Variants in PCNX3 observed in about 807,000 individuals in gnomAD.
PCNX3 encodes pecanex 3, also known as pecanex-like protein 3.
In PCNX3, 58 loss-of-function variants were observed where a neutral mutation model predicts 207.2. That is an observed-to-expected ratio of 0.28 (90% confidence interval 0.23 to 0.35). PCNX3 has a LOEUF of 0.35. Ranked by LOEUF, PCNX3 falls within the 10% of genes least tolerant of loss-of-function variation. The pLI is 1.00. For missense variants in PCNX3, 2,410 were observed against 2,774.4 expected, an observed-to-expected ratio of 0.87 and a Z score of 2.95; for synonymous variants, 1,337 against 1,183.5, an observed-to-expected ratio of 1.13 and a Z score of -2.66.
Position 65,620,874 on chromosome 11 carries a change from C to A in PCNX3, c.2143C>A (p.Pro715Thr). ...CTCCAGCTTCCACTCGGCTGATGTC[C>A]CTGAGGCTACAGGCGGCCTGAACCT... ...HSSSFHSADV[P>T]EATGGLNLLQ... Residue 715 changes from proline (P) to threonine (T), a missense_variant, in exon 10 of 35, where the codon CCT (proline) becomes ACT (threonine). Physicochemically the swap from Pro to Thr is conservative, Grantham distance 38. Around this residue, in one of 8 missense-constraint regions of PCNX3, gnomAD observed 1,104 missense variants for 970.3 expected, o/e 1.14. Coordinates refer to ENST00000355703, the MANE Select transcript of PCNX3 (RefSeq NM_032223.4). 1 of 1,584,564 alleles carries A rather than the reference C, an allele frequency of 6.3e-7. No individual in the cohort carries two copies. Among genetic ancestry groups the A allele is most frequent in the East Asian group, 2.3e-5 (1 of 42,906 alleles).
At chr11:65,619,711 C>A in intron 7 of PCNX3, 43 bp from the exon 8 acceptor site, 1 of 1,564,760 alleles carries the variant, frequency 6.4e-7, no homozygotes, top group Non-Finnish European at 8.6e-7. Context: ...GGGGAGGGCC[C>A]GCAAGCTCTA....
At chr11:65,626,102 C>T (rs1432502379) in intron 20 of PCNX3, 48 bp downstream of exon 20, 6 of 1,552,036 alleles carry the variant, frequency 3.9e-6, no homozygotes, top group Non-Finnish European at 5.2e-6. Flanking sequence ...GCTCGGGCTG[C>T]AGCCTGGCTG....
At chr11:65,626,389 G>C in intron 20 of PCNX3, 1 of 509,404 alleles carries the variant, frequency 2.0e-6, no homozygotes. Context: ...GACCAGAGCT[G>C]CCTGGAGCAC....
chr11:65,637,372 C>A lies in PCNX3; in HGVS notation c.*394C>A. ...GTGGTTTCTTTCTTTCCTTTTTTTTCTTTTCTTTTTTTTTTTTTTTTTTGT... is the reference window on the plus strand; with the variant it reads ...GTGGTTTCTTTCTTTCCTTTTTTTTATTTTCTTTTTTTTTTTTTTTTTTGT... On this transcript the variant is annotated 3_prime_UTR_variant, in exon 35 of 35. Coordinates refer to ENST00000355703, the MANE Select transcript of PCNX3 (RefSeq NM_032223.4). 1.9e-5 allele frequency: 3 copies of A among 157,086 alleles called. No homozygotes were observed. The highest frequency in any genetic ancestry group is 1.8e-4 in the East Asian group (1 of 5,558). 9.7% of individuals were successfully genotyped at this position (157,086 alleles called of 1,614,324 possible). A position where few individuals can be genotyped will look rare whatever the true frequency, so the allele number is the denominator to read the frequency against.
intron 2 of PCNX3, 50 bp downstream of exon 2, chr11:65,617,061 G>A: frequency 6.5e-7 from 1 of 1,534,286 alleles, no homozygotes; most frequent in Non-Finnish European, 8.8e-7. Flanking sequence ...TGGTGCCTGG[G>A]CCGGAACCTT....
chr11:65,616,963 T>C lies in PCNX3; in HGVS notation c.293T>C (p.Met98Thr), dbSNP rs1406538402. Residue 98 changes from methionine (M) to threonine (T), a missense_variant, in exon 2 of 35, where the codon ATG becomes ACG. Physicochemically the swap from Met to Thr is moderately conservative, Grantham distance 81 (BLOSUM62 -1). Around this residue, in one of 8 missense-constraint regions of PCNX3, gnomAD observed 1,104 missense variants for 970.3 expected, o/e 1.14. Transcript: ENST00000355703. ...ATCGTGGAGAAGCGCAGCTCTACCA[T>C]GGGGGAGCTGGAGGAAGAGCCTGCC... ...GEIVEKRSSTMGELEEEPAQG... is the reference protein window; with the variant it reads ...GEIVEKRSSTTGELEEEPAQG... The C allele has an allele frequency of 2.5e-6, 4 of 1,613,032 alleles. No homozygotes were observed. The Admixed American group carries it at 6.7e-5, about 27-fold the overall frequency.
At position 65,628,485 on chromosome 11, in the gene PCNX3, C is replaced by T. The variant is rs936475070; in HGVS notation, c.3703-110C>T. 72 of 1,049,322 alleles carry T rather than the reference C, an allele frequency of 6.9e-5. No homozygotes were observed. The South Asian group carries it at 8.3e-4, about 12-fold the overall frequency. The allele number at this position is 1,049,322 out of a possible 1,614,324, so 65.0% of individuals were successfully genotyped here. Reference sequence around the variant, plus strand: ...TGGCAGTGACCTTGAGTTTGGCCCCCGTGGGCCAAGCCAGTGCGATGACCC... The same window carrying T: ...TGGCAGTGACCTTGAGTTTGGCCCCTGTGGGCCAAGCCAGTGCGATGACCC... On this transcript the variant is annotated intron_variant, in intron 22 of 34. Transcript: ENST00000355703.
chr11:65,636,050 G>A, intron 32 of PCNX3, 124 bp from the exon 33 acceptor site: 1 of 1,426,692 alleles, frequency 7.0e-7, no homozygotes, highest in Non-Finnish European at 9.6e-7. Flanking sequence ...CAGCTTCTTA[G>A]AGGGGAGGAT....
In PCNX3 at chr11:65,618,735, C is replaced by T. The variant is rs1193851; in HGVS notation, c.1373C>T (p.Ser458Phe). ...ACTTCCTGCTACTCCCCTGAGAGCTCCCGGGGTGCAGCAGGGGGACCCCGG... is the reference window on the plus strand; with the variant it reads ...ACTTCCTGCTACTCCCCTGAGAGCTTCCGGGGTGCAGCAGGGGGACCCCGG... ...SSTSCYSPES[S>F]RGAAGGPRKR... is the part of the protein sequence containing the mutation. The change falls in exon 6 of 35, where the codon TCC (serine) becomes TTC (phenylalanine). Residue 458 changes from serine (S) to phenylalanine (F), a missense_variant. Physicochemically the swap from Ser to Phe is radical, Grantham distance 155. Coordinates refer to ENST00000355703, the MANE Select transcript of PCNX3 (RefSeq NM_032223.4). 3 of 1,611,662 alleles carry T rather than the reference C, an allele frequency of 1.9e-6. No individual in the cohort carries two copies. The highest frequency in any genetic ancestry group is 2.2e-5 in the East Asian group (1 of 44,802).
intron 27 of PCNX3, among the ~76,000 whole-genome samples, chr11:65,631,417 G>A (rs914373491): frequency 2.0e-5 from 3 of 152,218 alleles, no homozygotes; most frequent in African/African-American, 7.2e-5. Flanking sequence ...AGCACTTTGG[G>A]AGGCCAAGGC....
rs1172004232 is a variant in PCNX3, at chr11:65,625,020, G to C, written c.2919+4G>C. The C allele has an allele frequency of 1.2e-6, 2 of 1,611,346 alleles. No individual in the cohort carries two copies. Reference sequence around the variant, plus strand: ...TTTCTGCCTTGGGGCCATCAAGGTAGGGGTGGCTTGCGAGGTGGGGGCATG... The same window carrying C: ...TTTCTGCCTTGGGGCCATCAAGGTACGGGTGGCTTGCGAGGTGGGGGCATG... On this transcript the variant is annotated splice_donor_region_variant and intron_variant, in intron 16 of 34. Coordinates refer to ENST00000355703, the MANE Select transcript of PCNX3 (RefSeq NM_032223.4). The surrounding 1 kb of genome is among the most constrained non-coding windows in gnomAD (Gnocchi z 5.6).
At chr11:65,631,028 G>A (rs1466890559) in intron 27 of PCNX3, among the ~76,000 whole-genome samples, 2 of 152,250 alleles carry the variant, frequency 1.3e-5, no homozygotes, top group Admixed American at 1.3e-4. Context: ...TCCTGAGCTG[G>A]GTGGAGTCCC....
rs894807447 is a variant in PCNX3, at chr11:65,625,120, G to A, written c.2920-51G>A. The A allele has an allele frequency of 3.2e-6, 5 of 1,556,208 alleles. No homozygotes were observed. Among genetic ancestry groups the A allele is most frequent in the Admixed American group, 1.8e-5 (1 of 56,842 alleles). ...GTGGCTTCTCACACGGGGGCAGCCCGGGCCCCATGCTTACCTCACCTCCCC... is the reference window on the plus strand; with the variant it reads ...GTGGCTTCTCACACGGGGGCAGCCCAGGCCCCATGCTTACCTCACCTCCCC... On this transcript the variant is annotated intron_variant, in intron 16 of 34. Transcript: ENST00000355703. This position sits in a 1 kb window ranked among gnomAD's most constrained non-coding sequence, Gnocchi z 5.6.
At chr11:65,620,798 G>T in intron 9 of PCNX3, 33 bp from the exon 10 acceptor site, 1 of 1,586,878 alleles carries the variant, frequency 6.3e-7, no homozygotes. Flanking sequence ...GGGCTCGCCC[G>T]TGGGGGGATC....
In PCNX3 at chr11:65,616,235, C is replaced by T; in HGVS notation, c.-77C>T. On this transcript the variant is annotated 5_prime_UTR_variant, in exon 1 of 35. Coordinates refer to ENST00000355703, the MANE Select transcript of PCNX3 (RefSeq NM_032223.4). The stretch of plus-strand genomic sequence containing the variant: ...GAGGCCGGGCCCCGGGGCCCTCAGG[C>T]GCCAGACGGGGCATGGGCCGGGGGC... The T allele has an allele frequency of 8.1e-7, 1 of 1,233,070 alleles. No homozygotes were observed. The highest frequency in any genetic ancestry group is 1.1e-6 in the Non-Finnish European group (1 of 939,856). 76.4% of individuals were successfully genotyped at this position (1,233,070 alleles called of 1,614,324 possible).
At chr11:65,626,726 A>G in intron 20 of PCNX3, 178 bp from the exon 21 acceptor site, 2 of 785,516 alleles carry the variant, frequency 2.5e-6, no homozygotes, top group Admixed American at 5.5e-5. Flanking sequence ...GCTAAGTGCC[A>G]TGTGGAGCCC....
chr11:65,633,316 A>G (rs931250473), intron 27 of PCNX3, among the ~76,000 whole-genome samples: 2 of 152,156 alleles, frequency 1.3e-5, no homozygotes, highest in African/African-American at 4.8e-5. Flanking sequence ...GAGGTCCAGG[A>G]GCCCCCAGCT....
rs758083854 is a variant in PCNX3 at position 65,618,093 on chromosome 11, G to C, written c.731G>C (p.Ser244Thr). The C allele has an allele frequency of 6.2e-7, 1 of 1,609,518 alleles. No homozygotes were observed. The highest frequency in any genetic ancestry group is 1.3e-5 in the African/African-American group (1 of 74,958). Residue 244 changes from serine to threonine, a missense_variant, in exon 6 of 35, where the codon AGC becomes ACC. Transcript: ENST00000355703. Reference sequence around the variant, plus strand: ...CCCATGAGCCCCCTGCTGAAGGGGAGCCTCAGCCAGGAGCTGAGCAAGAGC... The same window carrying C: ...CCCATGAGCCCCCTGCTGAAGGGGACCCTCAGCCAGGAGCTGAGCAAGAGC... Reference protein sequence around the residue: ...DTPMSPLLKGSLSQELSKSFL... With the variant: ...DTPMSPLLKGTLSQELSKSFL...
In PCNX3 at chr11:65,636,817, A is replaced by G. The variant is rs1450817395; in HGVS notation, c.5944A>G (p.Ser1982Gly). The part of the protein sequence containing the change: ...SLSLSLSPDV[S>G]TEASPPRASQ... ...CAGCCTCAGCCTCAGCCCCGATGTC[A>G]GCACTGAGGCCTCACCCCCCAGAGC... Residue 1982 changes from serine to glycine, a missense_variant, in exon 35 of 35, where the codon AGC becomes GGC. Coordinates refer to ENST00000355703, the MANE Select transcript of PCNX3 (RefSeq NM_032223.4). 2 of 1,544,308 alleles carry G rather than the reference A, an allele frequency of 1.3e-6. No individual in the cohort carries two copies. Among genetic ancestry groups the G allele is most frequent in the East Asian group, 4.9e-5 (2 of 40,720 alleles).
Sources: gnomAD v4.1 joint callset for allele counts (sites outside exome capture counted in the v4.1 genomes callset) on GRCh38, gnomAD v4.1.1 for gene constraint, gnomAD v4.1.1 regional missense constraint, Gnocchi (gnomAD v3.1) non-coding constraint, MANE v1.5 for transcripts, NCBI Gene and HGNC (gene_info 2026-07-23, HGNC 2026-07-21) for gene names.